The following TUBGCP3 variants were observed in gnomAD, a reference collection of about 807,000 sequenced individuals.
TUBGCP3 encodes the protein tubulin gamma complex component 3, also known as gamma-tubulin complex component 3.
Under a neutral mutation model 123.1 loss-of-function variants are expected in TUBGCP3, and 50 were observed. The observed-to-expected ratio is 0.41, with a 90% CI of 0.32 to 0.51. The LOEUF is 0.51. Among genes scored for constraint, TUBGCP3 ranks in the 20% least tolerant of loss-of-function variants. TUBGCP3 has a pLI of 0.36. For missense variants in TUBGCP3, 882 were observed against 1,127.0 expected (o/e 0.78, Z 3.11); for synonymous variants, 405 against 413.9 (o/e 0.98, Z 0.26).
At chr13:112,534,304 T>C (rs532042159) in intron 11 of TUBGCP3, among the ~76,000 whole-genome samples, 32 of 152,248 alleles carry the variant, frequency 2.1e-4, no homozygotes, top group African/African-American at 6.7e-4. Flanking sequence ...CCCAGCACTC[T>C]GGGAGGCCGA....
Position 112,587,999 on chromosome 13 carries a change from A to T in TUBGCP3, c.-19T>A. ...TCGCCATCCTCGCCCGGAGCCGTGCACGGTGGTCCGGGCAGAGCCGCCACT... is the reference window on the plus strand; with the variant it reads ...TCGCCATCCTCGCCCGGAGCCGTGCTCGGTGGTCCGGGCAGAGCCGCCACT... On this transcript the variant is annotated 5_prime_UTR_variant, in exon 1 of 22. Coordinates refer to ENST00000261965, the MANE Select transcript of TUBGCP3 (RefSeq NM_006322.6). 1 of 1,514,526 alleles carries T rather than the reference A, an allele frequency of 6.6e-7. No individual in the cohort carries two copies. The highest frequency in any genetic ancestry group is 8.8e-7 in the Non-Finnish European group (1 of 1,131,014). 93.8% of individuals were successfully genotyped at this position (1,514,526 alleles called of 1,614,324 possible).
chr13:112,490,795 A>G (rs1285715012), intron 20 of TUBGCP3, among the ~76,000 whole-genome samples: 1 of 152,214 alleles, frequency 6.6e-6, no homozygotes, highest in African/African-American at 2.4e-5. Flanking sequence ...TTCACAGAGC[A>G]CAAAGCTGAC....
rs1876424293 is a variant in TUBGCP3, at chr13:112,519,360, T to C, written c.1882-317A>G. ...TGTTCCAAATCTTTTTATTCCAAGA[T>C]GACTCTTGCAATATTTTAAGAAAAC... On this transcript the variant is annotated intron_variant, in intron 15 of 21. Coordinates refer to ENST00000261965, the MANE Select transcript of TUBGCP3 (RefSeq NM_006322.6). The surrounding 1 kb of genome is among the most constrained non-coding windows in gnomAD (Gnocchi z 6.2). Among the ~76,000 whole-genome samples, 1 of 152,210 alleles carries C rather than the reference T, an allele frequency of 6.6e-6. No homozygotes were observed. Among genetic ancestry groups the C allele is most frequent in the Non-Finnish European group, 1.5e-5 (1 of 68,032 alleles).
the TUBGCP3 span, among the ~76,000 whole-genome samples, chr13:112,596,412 A>C: frequency 2.0e-5 from 3 of 152,192 alleles, no homozygotes; most frequent in Non-Finnish European, 4.4e-5. Context: ...CACTTGATAA[A>C]TGTTGTGCCA....
chr13:112,559,764 T>G (rs910542264), intron 3 of TUBGCP3, among the ~76,000 whole-genome samples: 1 of 152,228 alleles, frequency 6.6e-6, no homozygotes, highest in Non-Finnish European at 1.5e-5. Flanking sequence ...AATATGTGAA[T>G]TATTTTTTCC....
intron 21 of TUBGCP3, 54 bp downstream of exon 21, chr13:112,489,527 G>T: frequency 7.9e-7 from 1 of 1,263,842 alleles, no homozygotes; most frequent in Non-Finnish European, 1.2e-6. Flanking sequence ...CAACTGTCAG[G>T]TACAGAACAT....
At chr13:112,573,446 GAAGTCAT>G (rs1178925641) in intron 1 of TUBGCP3, among the ~76,000 whole-genome samples, 2 of 152,062 alleles carry the variant, frequency 1.3e-5, no homozygotes, top group Non-Finnish European at 2.9e-5. Flanking sequence ...AATGTCCAAA[GAAGTCAT>G]ACAAGACAGA....
intron 3 of TUBGCP3, among the ~76,000 whole-genome samples, chr13:112,564,011 G>A (rs1880752695): frequency 6.6e-6 from 1 of 152,060 alleles, no homozygotes; most frequent in Non-Finnish European, 1.5e-5. Flanking sequence ...TATCCAATAA[G>A]CAAATCTTTT....
chr13:112,489,819 T>A (rs1434866399), intron 20 of TUBGCP3, 122 bp from the exon 21 acceptor site: 1 of 694,192 alleles, frequency 1.4e-6, no homozygotes. Flanking sequence ...TCTGTACTGT[T>A]CAACACTTTC....
At chr13:112,516,755 A>G (rs1248954561) in intron 16 of TUBGCP3, among the ~76,000 whole-genome samples, 180 bp from the exon 17 acceptor site, 1 of 152,216 alleles carries the variant, frequency 6.6e-6, no homozygotes, top group East Asian at 1.9e-4. Context: ...ATGGGGAAAC[A>G]GAGGCCTAAT....
At chr13:112,567,150 G>A (rs1881014242) in intron 2 of TUBGCP3, among the ~76,000 whole-genome samples, 1 of 152,208 alleles carries the variant, frequency 6.6e-6, no homozygotes. Flanking sequence ...ACCTGCTGGG[G>A]ACACCCCAGA....
intron 1 of TUBGCP3, among the ~76,000 whole-genome samples, chr13:112,587,013 T>G (rs553465149): frequency 6.6e-6 from 1 of 152,310 alleles, no homozygotes; most frequent in East Asian, 1.9e-4. Context: ...TCTCAGTACT[T>G]TAAATGTAAC....
At chr13:112,576,391 G>T (rs1258456584) in intron 1 of TUBGCP3, among the ~76,000 whole-genome samples, 1 of 152,146 alleles carries the variant, frequency 6.6e-6, no homozygotes, top group Non-Finnish European at 1.5e-5. Flanking sequence ...GCAGTCATGG[G>T]TGAATGAGTT....
chr13:112,579,242 G>C (rs1170764893), intron 1 of TUBGCP3, among the ~76,000 whole-genome samples: 1 of 152,240 alleles, frequency 6.6e-6, no homozygotes, highest in Non-Finnish European at 1.5e-5. Flanking sequence ...ACACTTGCTA[G>C]AATAGCTAAG....
chr13:112,522,413 T>C lies in TUBGCP3; in HGVS notation c.1652A>G (p.Lys551Arg), dbSNP rs1318134732. The change falls in exon 14 of 22, where the codon AAA (lysine) becomes AGA (arginine). Residue 551 changes from lysine to arginine, a missense_variant. Physicochemically the swap from Lys to Arg is conservative, Grantham distance 26. This residue lies in a region of TUBGCP3 where 713 missense variants were observed against 874.0 expected (regional missense o/e 0.82). Coordinates refer to ENST00000261965, the MANE Select transcript of TUBGCP3 (RefSeq NM_006322.6). ...CATGTGGTCCAGCAAGCTGTACTTTTTATTGAGAACATCCAACAGGTATTT... is the reference window on the plus strand; with the variant it reads ...CATGTGGTCCAGCAAGCTGTACTTTCTATTGAGAACATCCAACAGGTATTT... ...TSKYLLDVLNKKYSLLDHMQA... is the reference protein window; with the variant it reads ...TSKYLLDVLNRKYSLLDHMQA... The C allele has an allele frequency of 6.2e-7, 1 of 1,614,080 alleles. No homozygotes were observed. Among genetic ancestry groups the C allele is most frequent in the Non-Finnish European group, 8.5e-7 (1 of 1,180,016 alleles).
intron 21 of TUBGCP3, among the ~76,000 whole-genome samples, chr13:112,489,214 C>T (rs553504630): frequency 1.6e-4 from 24 of 151,344 alleles, no homozygotes; most frequent in African/African-American, 5.8e-4. Context: ...CCCACACCCA[C>T]CACAGGGGAG....
intron 19 of TUBGCP3, among the ~76,000 whole-genome samples, chr13:112,502,915 T>C (rs552994861): frequency 2.3e-4 from 35 of 152,308 alleles, no homozygotes; most frequent in African/African-American, 7.2e-4. Context: ...TTTCCACATA[T>C]TTATAAAAAC....
In TUBGCP3 at chr13:112,576,659, GA is replaced by G. The variant is rs142475659; in HGVS notation, c.77-7401del. On this transcript the variant is annotated intron_variant, in intron 1 of 21. Coordinates refer to ENST00000261965, the MANE Select transcript of TUBGCP3 (RefSeq NM_006322.6). ...TTATCAATTATACCTCAACAAAGCT[GA>G]AAAAAATACATGGGCAATAAAAACT... Among the ~76,000 whole-genome samples, 1,298 of 151,634 alleles carry G rather than the reference GA, an allele frequency of 8.6e-3. 18 individuals carry two copies. Among genetic ancestry groups the G allele is most frequent in the African/African-American group, 0.03 (1,232 of 41,356 alleles).
At chr13:112,584,462 T>C (rs890421075) in intron 1 of TUBGCP3, among the ~76,000 whole-genome samples, 3 of 152,232 alleles carry the variant, frequency 2.0e-5, no homozygotes, top group Admixed American at 6.5e-5. Context: ...AATGTAATTA[T>C]ATAACCAAAG....
Sources: allele counts gnomAD v4.1 joint callset (sites outside exome capture counted in the v4.1 genomes callset), GRCh38; gene constraint gnomAD v4.1.1; regional missense constraint gnomAD v4.1.1; non-coding constraint Gnocchi (gnomAD v3.1); transcripts MANE v1.5; gene names NCBI Gene and HGNC (gene_info 2026-07-23, HGNC 2026-07-21).